Variants in FMO4 observed in about 807,000 individuals in gnomAD.
FMO4 encodes the protein flavin containing dimethylaniline monoxygenase 4.
FMO4 carries 38 observed loss-of-function variants against 43.3 expected under a neutral mutation model. The ratio of observed to expected loss-of-function variants is 0.88; its 90% CI spans 0.68 to 1.15. The LOEUF is 1.15. FMO4 is among the 50% of genes most tolerant of loss of function. The pLI, the probability that FMO4 is intolerant of heterozygous loss-of-function variation, is 0.00. For synonymous variants in FMO4, 224 were observed against 232.2 expected (o/e 0.96, Z 0.32); for missense variants, 631 against 663.3 (o/e 0.95, Z 0.54).
At chr1:171,322,461 T>C (rs1662474238) in intron 3 of FMO4, among the ~76,000 whole-genome samples, 2 of 152,146 alleles carry the variant, frequency 1.3e-5, no homozygotes, top group African/African-American at 4.8e-5. Context: ...TTCTTTGTGG[T>C]TTGAAAAATA....
rs1662334758 is a variant in FMO4, at chr1:171,319,887, G to A, written c.62G>A (p.Cys21Tyr). Residue 21 changes from cysteine to tyrosine, a missense_variant, in exon 3 of 10, where the codon TGT becomes TAT. Cys to Tyr is a radical substitution (Grantham distance 194). Transcript: ENST00000367749. Reference protein sequence around the residue: ...GVSGLSSIKCCVDEDLEPTCF... With the variant: ...GVSGLSSIKCYVDEDLEPTCF... ...AGTGGCCTCTCCTCCATCAAATGCT[G>A]TGTGGATGAGGACCTGGAGCCCACC... The A allele has an allele frequency of 1.2e-6, 2 of 1,613,812 alleles. No homozygotes were observed. The highest frequency in any genetic ancestry group is 1.7e-6 in the Non-Finnish European group (2 of 1,179,728).
In FMO4 at chr1:171,334,815, T is replaced by C; in HGVS notation, c.1180+52T>C. 2.8e-6 allele frequency: 3 copies of C among 1,071,544 alleles called. No homozygotes were observed. The South Asian group carries it at 4.9e-5, about 18-fold the overall frequency. The allele number at this position is 1,071,544 out of a possible 1,614,324, so 66.4% of individuals were successfully genotyped here. A position where few individuals can be genotyped will look rare whatever the true frequency, so the allele number is the denominator to read the frequency against. Reference sequence around the variant, plus strand: ...TCTTTGGATCGTAAAATTGGTGCCCTGCCATTTAGCTAAAATCAAACAGAT... The same window carrying C: ...TCTTTGGATCGTAAAATTGGTGCCCCGCCATTTAGCTAAAATCAAACAGAT... On this transcript the variant is annotated intron_variant, in intron 8 of 9. Transcript: ENST00000367749.
At position 171,328,377 on chromosome 1, in the gene FMO4, G is replaced by A. The variant is rs540379385; in HGVS notation, c.485-3263G>A. Among the ~76,000 whole-genome samples, 7 of 152,202 alleles carry A rather than the reference G, an allele frequency of 4.6e-5. No homozygotes were observed. In the South Asian group the frequency reaches 6.2e-4, roughly 14 times the overall value. On this transcript the variant is annotated intron_variant, in intron 5 of 9. Transcript: ENST00000367749. ...AATTCTTTGAGGATATGGGTCGGGC[G>A]CGGTGGCTCACACCTATAATCCCAG...
intron 3 of FMO4, among the ~76,000 whole-genome samples, chr1:171,321,044 T>C (rs1662403134): frequency 6.7e-6 from 1 of 150,100 alleles, no homozygotes; most frequent in Non-Finnish European, 1.5e-5. Context: ...TATAGTATAC[T>C]AGGAGAAAAA....
intron 9 of FMO4, 49 bp from the exon 10 acceptor site, chr1:171,341,364 G>T: frequency 7.1e-7 from 1 of 1,416,922 alleles, no homozygotes; most frequent in Non-Finnish European, 9.7e-7. Context: ...CTTGAGAAAT[G>T]CAGGGCAGGT....
chr1:171,318,739 G>A (rs1057498185), intron 2 of FMO4, among the ~76,000 whole-genome samples: 1 of 152,162 alleles, frequency 6.6e-6, no homozygotes, highest in African/African-American at 2.4e-5. Context: ...TTACTATGTA[G>A]CAGGCACACT....
chr1:171,337,485 T>C (rs1663170089), intron 9 of FMO4, 60 bp downstream of exon 9: 2 of 1,201,494 alleles, frequency 1.7e-6, no homozygotes, highest in Admixed American at 1.7e-5. Context: ...AAAAAAAGGA[T>C]TCAGAGTATA....
intron 4 of FMO4, 47 bp from the exon 5 acceptor site, chr1:171,324,091 G>A (rs1220810539): frequency 6.6e-7 from 1 of 1,520,992 alleles, no homozygotes; most frequent in South Asian, 1.3e-5. Context: ...CATTGCATGA[G>A]GTCCAAGGGT....
At chr1:171,322,264 A>T (rs573850501) in intron 3 of FMO4, among the ~76,000 whole-genome samples, 1 of 152,308 alleles carries the variant, frequency 6.6e-6, no homozygotes, top group South Asian at 2.1e-4. Flanking sequence ...CGGAGACAAT[A>T]ATGAGAAAAA....
At position 171,341,695 on chromosome 1, in the gene FMO4, G is replaced by A; in HGVS notation, c.1533G>A (p.Met511Ile). ...IVPDSSKPAS[M>I]SHYLKAWGAP... ...CTGATTCCTCCAAGCCTGCCTCCAT[G>A]TCACATTATTTAAAAGCCTGGGGGG... Residue 511 changes from methionine (M) to isoleucine (I), a missense_variant, in exon 10 of 10, where the codon ATG becomes ATA. Physicochemically the swap from Met to Ile is conservative, Grantham distance 10 (BLOSUM62 1). Transcript: ENST00000367749. 1 of 1,613,878 alleles carries A rather than the reference G, an allele frequency of 6.2e-7. No homozygotes were observed. Among genetic ancestry groups the A allele is most frequent in the Non-Finnish European group, 8.5e-7 (1 of 1,179,970 alleles).
rs1662110904 is a variant in FMO4, at chr1:171,314,285, A to G, written c.-279A>G. 1 of 152,116 alleles carries G rather than the reference A, an allele frequency of 6.6e-6. No homozygotes were observed. Among genetic ancestry groups the G allele is most frequent in the Non-Finnish European group, 1.5e-5 (1 of 68,014 alleles). 9.4% of individuals were successfully genotyped at this position (152,116 alleles called of 1,614,324 possible). A position where few individuals can be genotyped will look rare whatever the true frequency, so the allele number is the denominator to read the frequency against. ...AACTGAGGGCACTTTTACAAAAGTC[A>G]TCTTTCCATTTATTTTTCTTTCAGA... On this transcript the variant is annotated 5_prime_UTR_variant, in exon 1 of 10. Coordinates refer to ENST00000367749, the MANE Select transcript of FMO4 (RefSeq NM_002022.3).
intron 9 of FMO4, among the ~76,000 whole-genome samples, chr1:171,340,771 G>A (rs957694631): frequency 5.3e-5 from 8 of 152,024 alleles, no homozygotes; most frequent in Non-Finnish European, 8.8e-5. Context: ...CTGAGCATTC[G>A]CTGTACACTT....
chr1:171,323,057 C>G lies in FMO4; in HGVS notation c.186C>G (p.Val62=), dbSNP rs1282948081. The G allele has an allele frequency of 1.2e-6, 2 of 1,613,176 alleles. No homozygotes were observed. Among genetic ancestry groups the G allele is most frequent in the Non-Finnish European group, 1.7e-6 (2 of 1,179,246 alleles). Residue 62 remains valine, a synonymous_variant, in exon 4 of 10, where the codon GTC becomes GTG. Transcript: ENST00000367749. ...TRVYKSLVTN[V]CKEMSCYSDF... is the part of the protein sequence containing the mutation. ...TCTATAAGTCATTAGTGACAAATGT[C>G]TGTAAGGAAATGTCATGTTACAGTG...
intron 5 of FMO4, 61 bp from the exon 6 acceptor site, chr1:171,331,579 T>G: frequency 2.0e-6 from 3 of 1,532,056 alleles, no homozygotes; most frequent in Non-Finnish European, 2.7e-6. Flanking sequence ...ACCCTATCCC[T>G]GCGTAGTGAG....
At position 171,316,313 on chromosome 1, in the gene FMO4, C is replaced by T. The variant is rs555492003; in HGVS notation, c.-23C>T. 2 of 152,220 alleles carry T rather than the reference C, an allele frequency of 1.3e-5. No individual in the cohort carries two copies. The highest frequency in any genetic ancestry group is 4.1e-4 in the South Asian group (2 of 4,820). The allele number at this position is 152,220 out of a possible 1,614,324, so 9.4% of individuals were successfully genotyped here. ...TGTCTAAACCTCCTACTCCTCAACT[C>T]AAAGGAAAACACAGGTATGTCTGCC... On this transcript the variant is annotated 5_prime_UTR_variant, in exon 2 of 10. Transcript: ENST00000367749.
intron 5 of FMO4, among the ~76,000 whole-genome samples, chr1:171,331,236 T>C (rs1365959264): frequency 1.3e-5 from 2 of 152,200 alleles, no homozygotes; most frequent in Non-Finnish European, 2.9e-5. Flanking sequence ...GGTATTTAGA[T>C]ACAAGTGTAA....
At chr1:171,318,316 A>AAATAATAATAAGAATAAT (rs1662274537) in intron 2 of FMO4, among the ~76,000 whole-genome samples, 1 of 148,966 alleles carries the variant, frequency 6.7e-6, no homozygotes, top group African/African-American at 2.5e-5. Context: ...GACTGTCTCA[A>AAATAATAATAAGAATAAT]AATAATAATA....
chr1:171,317,071 C>A (rs2101871910), intron 2 of FMO4, among the ~76,000 whole-genome samples: 1 of 152,290 alleles, frequency 6.6e-6, no homozygotes, highest in African/African-American at 2.4e-5. Flanking sequence ...ATACCTCAGG[C>A]TCTCAGACCA....
rs61747501 is a variant in FMO4, at chr1:171,332,743, T to A, written c.662T>A (p.Leu221His). ...AGTACTAGAACTGGTACCTGGGTTC[T>A]TGGGCGCTCTTCAGATTGGGGCTAT... ...LLSTRTGTWV[L>H]GRSSDWGYPY... Residue 221 changes from leucine (L) to histidine (H), a missense_variant, in exon 7 of 10, where the codon CTT becomes CAT. Leu to His is a moderately conservative substitution (Grantham distance 99, BLOSUM62 -3). Transcript: ENST00000367749. 4.5e-3 allele frequency: 7,229 copies of A among 1,611,478 alleles called. 25 individuals are homozygous for A. Among genetic ancestry groups the A allele is most frequent in the Non-Finnish European group, 5.3e-3 (6,277 of 1,177,680 alleles).
Sources: allele counts gnomAD v4.1 joint callset (sites outside exome capture counted in the v4.1 genomes callset), GRCh38; gene constraint gnomAD v4.1.1; transcripts MANE v1.5; gene names NCBI Gene and HGNC (gene_info 2026-07-23, HGNC 2026-07-21).